Variants in TRAPPC9 observed in about 807,000 individuals in gnomAD.
TRAPPC9 encodes the protein trafficking protein particle complex subunit 9.
Under a neutral mutation model 124.0 loss-of-function variants are expected in TRAPPC9, and 83 were observed. The observed-to-expected ratio is 0.67, with a 90% confidence interval of 0.56 to 0.80. TRAPPC9 has a LOEUF of 0.80. Among genes scored for constraint, TRAPPC9 ranks in the 30% least tolerant of loss-of-function variants. TRAPPC9 has a pLI of 0.00. For missense variants in TRAPPC9, 1,302 were observed against 1,508.3 expected (o/e 0.86, Z 2.27); for synonymous variants, 638 against 617.5 (o/e 1.03, Z -0.49).
intron 16 of TRAPPC9, among the ~76,000 whole-genome samples, chr8:140,230,376 AG>A (rs2063562604): frequency 6.6e-6 from 1 of 152,214 alleles, no homozygotes; most frequent in Non-Finnish European, 1.5e-5. Flanking sequence ...TGGGAGGCCA[AG>A]GCAGGTGGAT....
chr8:140,393,779 CTTG>C (rs1563995185), intron 7 of TRAPPC9, among the ~76,000 whole-genome samples: 2 of 152,210 alleles, frequency 1.3e-5, no homozygotes, highest in East Asian at 3.8e-4. Context: ...GAACCAAAAG[CTTG>C]TTCTATTTCA....
At chr8:140,222,623 C>T (rs2063360144) in intron 16 of TRAPPC9, among the ~76,000 whole-genome samples, 1 of 152,228 alleles carries the variant, frequency 6.6e-6, no homozygotes, top group Non-Finnish European at 1.5e-5. Flanking sequence ...GTCTCCAAGG[C>T]CTCTGCATGA....
intron 18 of TRAPPC9, among the ~76,000 whole-genome samples, chr8:140,011,501 CTTTTT>C (rs916485762): frequency 2.0e-3 from 228 of 114,628 alleles, no homozygotes; most frequent in African/African-American, 9.1e-3. Flanking sequence ...AGAAGGCATA[CTTTTT>C]TTTTTTTTTT....
chr8:140,165,684 T>C (rs1415588226), intron 17 of TRAPPC9, among the ~76,000 whole-genome samples: 1 of 151,814 alleles, frequency 6.6e-6, no homozygotes, highest in African/African-American at 2.4e-5. Context: ...ACTACCATTA[T>C]CTTCATTTGA....
At chr8:139,802,315 C>A (rs1224155485) in intron 21 of TRAPPC9, among the ~76,000 whole-genome samples, 2 of 152,264 alleles carry the variant, frequency 1.3e-5, no homozygotes, top group Middle Eastern at 6.8e-3. Context: ...GCTGGCCCCA[C>A]GGGGACTGGC....
At chr8:140,307,632 A>C (rs949313215) in intron 10 of TRAPPC9, among the ~76,000 whole-genome samples, 6 of 152,112 alleles carry the variant, frequency 3.9e-5, no homozygotes, top group African/African-American at 1.2e-4. Flanking sequence ...CACCTATATC[A>C]CAGATTCTAG....
chr8:140,045,641 A>AC lies in TRAPPC9; in HGVS notation c.2557-21563_2557-21562insG, dbSNP rs1351089489. Among the ~76,000 whole-genome samples the AC allele has an allele frequency of 4.9e-4, 67 of 137,756 alleles. 4 individuals carry two copies. Among genetic ancestry groups the AC allele is most frequent in the Middle Eastern group, 3.9e-3 (1 of 258 alleles). 90.4% of individuals were successfully genotyped at this position (137,756 alleles called of 152,430 possible). A position where few individuals can be genotyped will look rare whatever the true frequency, so the allele number is the denominator to read the frequency against. The stretch of plus-strand genomic sequence containing the variant: ...GACTCCATCTCGGCAGAAAAAAAAA[A>AC]AAAAAAAAAAAAAAAAAACCAAGTC... On this transcript the variant is annotated intron_variant, in intron 17 of 22. Coordinates refer to ENST00000438773, the MANE Select transcript of TRAPPC9 (RefSeq NM_001160372.4).
At chr8:140,132,206 A>C (rs1293747608) in intron 17 of TRAPPC9, among the ~76,000 whole-genome samples, 1 of 152,198 alleles carries the variant, frequency 6.6e-6, no homozygotes, top group East Asian at 1.9e-4. Context: ...AGCACAGCAC[A>C]GTCCTCCGTC....
At chr8:140,316,936 A>ATTCATTC (rs1357503786) in intron 9 of TRAPPC9, among the ~76,000 whole-genome samples, 1 of 152,174 alleles carries the variant, frequency 6.6e-6, no homozygotes, top group African/African-American at 2.4e-5. Context: ...TTTCTTCATG[A>ATTCATTC]TTCATTCTTG....
rs775820754 is a variant in TRAPPC9, at chr8:139,851,647, C to T, written c.3055+34232G>A. Among the ~76,000 whole-genome samples the T allele has an allele frequency of 4.6e-5, 7 of 152,254 alleles. No homozygotes were observed. In the South Asian group the frequency reaches 1.0e-3, roughly 23 times the overall value. ...GGAATCCTGGAGAGTGCCGGAAAAC[C>T]GAACCCAACGTTCAAAAGGGAAATG... On this transcript the variant is annotated intron_variant, in intron 21 of 22. Transcript: ENST00000438773.
chr8:140,060,901 C>A (rs988150588), intron 17 of TRAPPC9, among the ~76,000 whole-genome samples: 3 of 152,224 alleles, frequency 2.0e-5, no homozygotes, highest in African/African-American at 7.2e-5. Context: ...GGGCTGAATT[C>A]TTAGGCTCTC....
At chr8:140,151,956 C>T (rs1200050341) in intron 17 of TRAPPC9, among the ~76,000 whole-genome samples, 1 of 152,126 alleles carries the variant, frequency 6.6e-6, no homozygotes, top group Non-Finnish European at 1.5e-5. Context: ...TTCACTTTTG[C>T]CCTGGGAAAA....
chr8:140,177,563 G>A (rs2062098465), intron 17 of TRAPPC9, among the ~76,000 whole-genome samples: 1 of 151,918 alleles, frequency 6.6e-6, no homozygotes, highest in Non-Finnish European at 1.5e-5. Context: ...CGTTGTCTGG[G>A]ATATTTTAGT....
At chr8:139,822,998 C>T (rs1825357935) in intron 21 of TRAPPC9, among the ~76,000 whole-genome samples, 1 of 152,134 alleles carries the variant, frequency 6.6e-6, no homozygotes, top group Admixed American at 6.5e-5. Context: ...ATGGCCTTTC[C>T]TCAGGTGTGT....
chr8:139,761,773 G>A (rs1481524967), intron 21 of TRAPPC9, among the ~76,000 whole-genome samples: 1 of 151,714 alleles, frequency 6.6e-6, no homozygotes, highest in Non-Finnish European at 1.5e-5. Flanking sequence ...CTGCTGTCCT[G>A]TCACGGGGCA....
chr8:139,929,173 A>G (rs1832977414), intron 19 of TRAPPC9, among the ~76,000 whole-genome samples: 1 of 152,202 alleles, frequency 6.6e-6, no homozygotes, highest in Admixed American at 6.5e-5. Context: ...AAGCTTCTAC[A>G]TTTTAGGTTT....
chr8:139,802,622 T>C (rs1173567098), intron 21 of TRAPPC9, among the ~76,000 whole-genome samples: 1 of 152,242 alleles, frequency 6.6e-6, no homozygotes. Flanking sequence ...TCCTGTAAGG[T>C]GCTTATGTTA....
intron 17 of TRAPPC9, among the ~76,000 whole-genome samples, chr8:140,105,675 C>T (rs1375452795): frequency 1.3e-5 from 2 of 152,208 alleles, no homozygotes; most frequent in African/African-American, 4.8e-5. Context: ...AGTACCTCCT[C>T]TGTGAAGCCT....
chr8:140,389,023 T>C (rs1588266006), intron 7 of TRAPPC9, among the ~76,000 whole-genome samples: 1 of 144,558 alleles, frequency 6.9e-6, no homozygotes, highest in African/African-American at 2.5e-5. Flanking sequence ...AATGGCGCGA[T>C]CTCAGCTCAC....
Sources: gnomAD v4.1 joint callset for allele counts (sites outside exome capture counted in the v4.1 genomes callset) on GRCh38, gnomAD v4.1.1 for gene constraint, MANE v1.5 for transcripts, NCBI Gene and HGNC (gene_info 2026-07-23, HGNC 2026-07-21) for gene names.